The following PCDH15 variants were observed in gnomAD, a reference collection of about 807,000 sequenced individuals.
PCDH15 encodes the protein protocadherin-15.
PCDH15 carries 129 observed loss-of-function variants against 178.5 expected under a neutral mutation model. That is an observed-to-expected ratio of 0.72 (90% CI 0.63 to 0.84). PCDH15 has a LOEUF of 0.84. Ranked by LOEUF, PCDH15 falls within the 40% of genes least tolerant of loss-of-function variation. PCDH15 has a pLI of 0.00. For missense variants in PCDH15, 2,230 were observed against 2,099.9 expected (o/e 1.06, Z -1.21); for synonymous variants, 800 against 732.0 (o/e 1.09, Z -1.50).
chr10:54,197,918 T>C (rs936947192), intron 10 of PCDH15, among the ~76,000 whole-genome samples: 2 of 152,198 alleles, frequency 1.3e-5, no homozygotes, highest in Non-Finnish European at 2.9e-5. Context: ...AAACTTATAT[T>C]TGATTTTTAA....
In PCDH15 at chr10:54,779,451, C is replaced by CACACA. The variant is rs1566221534; in HGVS notation, c.-29+21473_-29+21474insTGTGT. ...ACACATATGTGTATATATATATACA[C>CACACA]TCATATATGTGTGTATATATATACA... On this transcript the variant is annotated intron_variant, in intron 1 of 37. Coordinates refer to ENST00000644397, the MANE Select transcript of PCDH15 (RefSeq NM_001384140.1). 1.9e-4 allele frequency among the ~76,000 whole-genome samples: 20 copies of CACACA among 103,740 alleles called. No homozygotes were observed. In the South Asian group the frequency reaches 4.4e-3, roughly 23 times the overall value. The allele number at this position is 103,740 out of a possible 152,430, so 68.1% of individuals were successfully genotyped here.
At chr10:54,122,268 A>G (rs149435832) in intron 15 of PCDH15, among the ~76,000 whole-genome samples, 51 of 152,210 alleles carry the variant, frequency 3.4e-4, no homozygotes, top group African/African-American at 1.2e-3. Context: ...AACTAAAACC[A>G]TATGATCACC....
intron 2 of PCDH15, among the ~76,000 whole-genome samples, chr10:54,658,009 A>T (rs568640026): frequency 3.3e-5 from 5 of 152,340 alleles, no homozygotes; most frequent in Non-Finnish European, 7.4e-5. Flanking sequence ...GAATTTCAAA[A>T]CATAGTTGAA....
At chr10:54,153,424 G>C in intron 13 of PCDH15, 131 bp from the exon 14 acceptor site, 1 of 843,358 alleles carries the variant, frequency 1.2e-6, no homozygotes, top group East Asian at 2.7e-5. Flanking sequence ...CATATATACT[G>C]TTTTTTGTTT....
chr10:55,212,853 T>G lies in PCDH15; in HGVS notation c.-155-46202A>C, dbSNP rs538022721. 2.0e-5 allele frequency among the ~76,000 whole-genome samples: 3 copies of G among 152,200 alleles called. No homozygotes were observed. The South Asian group carries it at 6.2e-4, about 32-fold the overall frequency. On this transcript the variant is annotated intron_variant, in intron 1 of 5. Transcript: ENST00000458638. ...CTATAGTCCTACTTTCTATTCAAAATCTATCAAATAATTTTTTTCCTAAAA... is the reference window on the plus strand; with the variant it reads ...CTATAGTCCTACTTTCTATTCAAAAGCTATCAAATAATTTTTTTCCTAAAA...
At chr10:55,252,236 C>A (rs1336071334) in intron 1 of PCDH15, among the ~76,000 whole-genome samples, 2 of 152,074 alleles carry the variant, frequency 1.3e-5, no homozygotes, top group Non-Finnish European at 2.9e-5. Context: ...ACATTCAGAT[C>A]CTGACAGAGA....
At chr10:54,597,998 T>TGGAAACCAAAAACAGCCC (rs2092325676) in intron 2 of PCDH15, among the ~76,000 whole-genome samples, 1 of 152,044 alleles carries the variant, frequency 6.6e-6, no homozygotes, top group South Asian at 2.1e-4. Flanking sequence ...ATAAACAGCC[T>TGGAAACCAAAAACAGCCC]GCAAACCAAA....
chr10:55,453,664 T>C (rs1406106630), intron 2 of PCDH15, among the ~76,000 whole-genome samples: 2 of 152,100 alleles, frequency 1.3e-5, no homozygotes, highest in Admixed American at 1.3e-4. Flanking sequence ...ACAATTCCTC[T>C]AGATGATAAT....
intron 4 of PCDH15, among the ~76,000 whole-genome samples, chr10:54,371,498 AT>A (rs1947665040): frequency 6.6e-6 from 1 of 151,888 alleles, no homozygotes; most frequent in Non-Finnish European, 1.5e-5. Context: ...AAATATCTAA[AT>A]GGTTGTCATG....
chr10:54,697,682 A>AG (rs1565970965), intron 1 of PCDH15, among the ~76,000 whole-genome samples: 2 of 87,888 alleles, frequency 2.3e-5, no homozygotes, highest in African/African-American at 5.2e-5. Flanking sequence ...AGGGGAAGGG[A>AG]GGAAGGGAGG....
At chr10:55,353,255 C>A (rs11004823) in intron 2 of PCDH15, among the ~76,000 whole-genome samples, 1 of 152,070 alleles carries the variant, frequency 6.6e-6, no homozygotes, top group Non-Finnish European at 1.5e-5. Context: ...ATACTCACTT[C>A]TCATTGGCAA....
At chr10:54,670,599 T>C (rs2094645674) in intron 1 of PCDH15, among the ~76,000 whole-genome samples, 1 of 152,300 alleles carries the variant, frequency 6.6e-6, no homozygotes, top group South Asian at 2.1e-4. Flanking sequence ...GTTTAGTCTA[T>C]AATAGATACA....
intron 3 of PCDH15, among the ~76,000 whole-genome samples, chr10:54,808,698 T>C (rs1952815845): frequency 6.6e-6 from 1 of 152,194 alleles, no homozygotes; most frequent in African/African-American, 2.4e-5. Flanking sequence ...TGTAACAGCT[T>C]TATAGCTTCA....
intron 2 of PCDH15, among the ~76,000 whole-genome samples, chr10:55,063,582 T>A (rs1841493664): frequency 6.6e-6 from 1 of 152,182 alleles, no homozygotes; most frequent in Non-Finnish European, 1.5e-5. Flanking sequence ...TTTTTCTGTA[T>A]ATGTGTGCAT....
At chr10:54,793,811 C>T (rs879450179) in intron 1 of PCDH15, among the ~76,000 whole-genome samples, 5 of 147,750 alleles carry the variant, frequency 3.4e-5, no homozygotes, top group Non-Finnish European at 6.0e-5. Flanking sequence ...TGTTAAATAG[C>T]GTAATAGGAA....
chr10:53,974,175 T>G (rs1395419890), intron 21 of PCDH15, among the ~76,000 whole-genome samples: 1 of 152,016 alleles, frequency 6.6e-6, no homozygotes, highest in Non-Finnish European at 1.5e-5. Context: ...GCTCCATGCC[T>G]GGATAATTTT....
At chr10:55,519,849 A>G (rs1197447349) in intron 2 of PCDH15, among the ~76,000 whole-genome samples, 3 of 151,282 alleles carry the variant, frequency 2.0e-5, no homozygotes, top group Non-Finnish European at 2.9e-5. Flanking sequence ...ACCTAAGCAT[A>G]TGATGTATAT....
At chr10:53,827,775 T>C (rs543031130) in intron 31 of PCDH15, among the ~76,000 whole-genome samples, 2 of 152,220 alleles carry the variant, frequency 1.3e-5, no homozygotes, top group African/African-American at 4.8e-5. Flanking sequence ...GAATAAGGGG[T>C]AGAATTCAGC....
chr10:53,855,803 T>C (rs1390761278), intron 28 of PCDH15, among the ~76,000 whole-genome samples: 5 of 150,878 alleles, frequency 3.3e-5, no homozygotes, highest in African/African-American at 7.3e-5. Context: ...AACGGGTTGA[T>C]AGGTGCAGCA....
Sources: allele counts gnomAD v4.1 joint callset (sites outside exome capture counted in the v4.1 genomes callset), GRCh38; gene constraint gnomAD v4.1.1; transcripts MANE v1.5; gene names NCBI Gene and HGNC (gene_info 2026-07-23, HGNC 2026-07-21).